Variants in CCDC88A observed in about 807,000 individuals in gnomAD.
CCDC88A encodes the protein coiled-coil and HOOK domain protein 88A, also known as girdin.
Under a neutral mutation model 234.3 loss-of-function variants are expected in CCDC88A, and 54 were observed. The observed-to-expected ratio is 0.23, with a 90% CI of 0.19 to 0.29. The LOEUF is 0.29. Among genes scored for constraint, CCDC88A ranks in the 10% least tolerant of loss-of-function variants. CCDC88A has a pLI of 1.00. For missense variants in CCDC88A, 1,832 were observed against 2,123.4 expected, an observed-to-expected ratio of 0.86 and a Z score of 2.70; for synonymous variants, 753 against 737.8, an observed-to-expected ratio of 1.02 and a Z score of -0.33.
chr2:55,391,300 A>C (rs1183448949), intron 2 of CCDC88A, among the ~76,000 whole-genome samples: 1 of 152,220 alleles, frequency 6.6e-6, no homozygotes, highest in Non-Finnish European at 1.5e-5. Context: ...ATTGCAAGTA[A>C]CTTGACAACC....
chr2:55,359,285 T>C (rs182169578), intron 7 of CCDC88A, among the ~76,000 whole-genome samples: 1 of 152,182 alleles, frequency 6.6e-6, no homozygotes, highest in African/African-American at 2.4e-5. Flanking sequence ...AGATACTACA[T>C]TTGAACTTAG....
intron 8 of CCDC88A, among the ~76,000 whole-genome samples, chr2:55,350,804 C>T (rs1669780272): frequency 6.6e-6 from 1 of 152,078 alleles, no homozygotes; most frequent in Non-Finnish European, 1.5e-5. Context: ...GGACTATAGG[C>T]ATGTGCCACC....
In CCDC88A at chr2:55,301,974, T is replaced by G; in HGVS notation, c.4570A>C (p.Arg1524=). 6.2e-7 allele frequency: 1 copy of G among 1,614,122 alleles called. No homozygotes were observed. The highest frequency in any genetic ancestry group is 1.1e-5 in the South Asian group (1 of 91,090). The part of the protein sequence containing the change: ...VPDDISTGKR[R]KELGAMAFST... ...AAGGCCATAGCTCCCAATTCTTTTCTCCTTTTACCCGTTGAAATATCATCA... is the reference window on the plus strand; with the variant it reads ...AAGGCCATAGCTCCCAATTCTTTTCGCCTTTTACCCGTTGAAATATCATCA... Residue 1524 remains arginine, a synonymous_variant, in exon 27 of 33, where the codon AGA becomes CGA. Coordinates refer to ENST00000436346, the MANE Select transcript of CCDC88A (RefSeq NM_001365480.1).
chr2:55,385,852 C>CAAAAAAAAA (rs56233901), intron 3 of CCDC88A, among the ~76,000 whole-genome samples: 4 of 62,462 alleles, frequency 6.4e-5, no homozygotes, highest in Non-Finnish European at 8.9e-5. Flanking sequence ...AACTCCATGT[C>CAAAAAAAAA]AAAAAAAAAA....
At position 55,309,164 on chromosome 2, in the gene CCDC88A, T is replaced by G; in HGVS notation, c.4170A>C (p.Arg1390Ser). ...TCATAAAATTTGGTTAATGGTACCT[T>G]CTAGGAGGAGATGGGTCATAAAATT... ...QYKFYDPSPP[R>S]RRGNWITLKM... The change falls in exon 24 of 33, where the codon AGA (arginine) becomes AGC (serine). Residue 1390 changes from arginine (R) to serine (S), a missense_variant and splice_region_variant. Physicochemically the swap from Arg to Ser is moderately radical, Grantham distance 110 (BLOSUM62 -1). This residue lies in a region of CCDC88A where 1,282 missense variants were observed against 1,543.6 expected (regional missense o/e 0.83). Coordinates refer to ENST00000436346, the MANE Select transcript of CCDC88A (RefSeq NM_001365480.1). The surrounding 1 kb of genome is among the most constrained non-coding windows in gnomAD (Gnocchi z 5.1). 1 of 1,552,118 alleles carries G rather than the reference T, an allele frequency of 6.4e-7. No homozygotes were observed.
chr2:55,360,965 T>G (rs527725953), intron 7 of CCDC88A, among the ~76,000 whole-genome samples: 44 of 152,296 alleles, frequency 2.9e-4, no homozygotes, highest in Non-Finnish European at 5.4e-4. Flanking sequence ...GGCGCGTGCC[T>G]GTAATCCCAG....
intron 7 of CCDC88A, among the ~76,000 whole-genome samples, chr2:55,358,628 AG>A (rs1356206898): frequency 6.6e-6 from 1 of 152,160 alleles, no homozygotes; most frequent in East Asian, 1.9e-4. Context: ...AATTTGCCAA[AG>A]AAACAAAACC....
rs560032486 is a variant in CCDC88A, at chr2:55,374,515, T to A, written c.343+299A>T. On this transcript the variant is annotated intron_variant, in intron 4 of 32. Coordinates refer to ENST00000436346, the MANE Select transcript of CCDC88A (RefSeq NM_001365480.1). ...TTTTCTAAGGTAATATTCTTTTAAGTTTGTAACTACATCATCTTCTATACT... is the reference window on the plus strand; with the variant it reads ...TTTTCTAAGGTAATATTCTTTTAAGATTGTAACTACATCATCTTCTATACT... 5.6e-3 allele frequency among the ~76,000 whole-genome samples: 852 copies of A among 152,320 alleles called. 3 individuals carry two copies. Among genetic ancestry groups the A allele is most frequent in the Middle Eastern group, 0.024 (7 of 294 alleles).
At chr2:55,372,286 T>G (rs1479199671) in intron 5 of CCDC88A, among the ~76,000 whole-genome samples, 166 bp downstream of exon 5, 2 of 152,212 alleles carry the variant, frequency 1.3e-5, no homozygotes, top group Non-Finnish European at 2.9e-5. Flanking sequence ...AAATAAGTGG[T>G]TTTTTTCAAT....
chr2:55,367,528 GTTTT>G, intron 5 of CCDC88A, among the ~76,000 whole-genome samples: 4 of 99,890 alleles, frequency 4.0e-5, no homozygotes, highest in African/African-American at 1.7e-4. Flanking sequence ...TTATTTCCTT[GTTTT>G]TTTTTAAGAG....
In CCDC88A at chr2:55,312,442, T is replaced by C. The variant is rs142831465; in HGVS notation, c.4071A>G (p.Arg1357=). The change falls in exon 23 of 33, where the codon AGA becomes AGG. Residue 1357 remains arginine (R), a synonymous_variant. Coordinates refer to ENST00000436346, the MANE Select transcript of CCDC88A (RefSeq NM_001365480.1). The stretch of plus-strand genomic sequence containing the variant: ...AATTATTTGGTACCTACATGTACTG[T>C]CTTTGTTCAACATGAAAAAGATCCT... ...ESKDLFHVEQ[R]QYIDKLNELR... The C allele has an allele frequency of 3.6e-3, 5,878 of 1,612,340 alleles. 20 individuals are homozygous for C. Among genetic ancestry groups the C allele is most frequent in the Non-Finnish European group, 4.6e-3 (5,382 of 1,179,244 alleles).
chr2:55,309,089 A>C lies in CCDC88A; in HGVS notation c.4173-66T>G, dbSNP rs1681996938. 6.8e-7 allele frequency: 1 copy of C among 1,460,874 alleles called. No individual in the cohort carries two copies. Among genetic ancestry groups the C allele is most frequent in the African/African-American group, 1.4e-5 (1 of 71,194 alleles). 90.5% of individuals were successfully genotyped at this position (1,460,874 alleles called of 1,614,324 possible). ...CATACAAATCCTTCACAAAAGTAGAAGTCATCACAATATTAGAAATAACCT... is the reference window on the plus strand; with the variant it reads ...CATACAAATCCTTCACAAAAGTAGACGTCATCACAATATTAGAAATAACCT... On this transcript the variant is annotated intron_variant, in intron 24 of 32. Transcript: ENST00000436346. The surrounding 1 kb of genome is among the most constrained non-coding windows in gnomAD (Gnocchi z 5.1).
Position 55,418,874 on chromosome 2 carries a change from G to A in CCDC88A, c.106C>T (p.Leu36Phe), listed in dbSNP as rs1475299433. The change falls in exon 2 of 33, where the codon CTT becomes TTT. Residue 36 changes from leucine to phenylalanine, a missense_variant. This residue lies in a region of CCDC88A where 36 missense variants were observed against 44.0 expected (regional missense o/e 0.82). Transcript: ENST00000436346. ...TCCACCAAAGCCACATATTCATCAA[G>A]GTTGGTCCCATTTCCTGCGGCCAGA... The part of the protein sequence containing the change: ...GPLAAGNGTN[L>F]DEYVALVDGV... The A allele has an allele frequency of 1.2e-6, 2 of 1,614,132 alleles. No homozygotes were observed. Among genetic ancestry groups the A allele is most frequent in the Non-Finnish European group, 8.5e-7 (1 of 1,180,008 alleles).
chr2:55,324,362 C>T (rs1226770804), intron 17 of CCDC88A: 1 of 152,148 alleles, frequency 6.6e-6, no homozygotes, highest in Non-Finnish European at 1.5e-5. Context: ...TTCCATCACT[C>T]TAGAAAGATC....
chr2:55,295,337 G>C, intron 31 of CCDC88A: 1 of 1,504,728 alleles, frequency 6.6e-7, no homozygotes, highest in Non-Finnish European at 8.9e-7. Flanking sequence ...CTGTATTCAG[G>C]GATAAGAATG....
chr2:55,305,491 A>G (rs2104583589), intron 25 of CCDC88A, among the ~76,000 whole-genome samples: 1 of 152,334 alleles, frequency 6.6e-6, no homozygotes, highest in East Asian at 1.9e-4. Flanking sequence ...ACCTAAACAG[A>G]CAAGATGACT....
At chr2:55,403,609 A>T (rs191155116) in intron 2 of CCDC88A, 55 of 152,380 alleles carry the variant, frequency 3.6e-4, no homozygotes, top group African/African-American at 1.3e-3. Flanking sequence ...GGCAAAGGAC[A>T]TCTTAGTATT....
intron 31 of CCDC88A, chr2:55,294,506 T>C (rs1679792176): frequency 1.0e-6 from 1 of 955,658 alleles, no homozygotes; most frequent in Non-Finnish European, 1.2e-6. Flanking sequence ...ACTATTTCTT[T>C]AAAACAGGAC....
intron 13 of CCDC88A, 29 bp from the exon 14 acceptor site, chr2:55,336,847 C>G: frequency 1.5e-6 from 2 of 1,354,034 alleles, no homozygotes; most frequent in Non-Finnish European, 2.1e-6. Flanking sequence ...CAAAACAATA[C>G]GTTAAATATT....
Sources: gnomAD v4.1 joint callset for allele counts (sites outside exome capture counted in the v4.1 genomes callset) on GRCh38, gnomAD v4.1.1 for gene constraint, gnomAD v4.1.1 regional missense constraint, Gnocchi (gnomAD v3.1) non-coding constraint, MANE v1.5 for transcripts, NCBI Gene and HGNC (gene_info 2026-07-23, HGNC 2026-07-21) for gene names.